The following UBAP1 variants were observed in gnomAD, a reference collection of about 807,000 sequenced individuals.
The protein encoded by UBAP1 is ubiquitin-associated protein 1.
Under a neutral mutation model 39.0 loss-of-function variants are expected in UBAP1, and 5 were observed. The observed-to-expected ratio is 0.13, with a 90% CI of 0.07 to 0.27. The LOEUF (loss-of-function observed/expected upper bound fraction) is 0.27, where lower values mean the gene tolerates loss of function less well. Among genes scored for constraint, UBAP1 ranks in the 10% least tolerant of loss-of-function variants. UBAP1 has a pLI of 1.00. For missense variants in UBAP1, 490 were observed against 608.1 expected (o/e 0.81, Z 2.04); for synonymous variants, 211 against 225.1 (o/e 0.94, Z 0.56).
chr9:34,221,643 T>G (rs888453710), intron 2 of UBAP1, among the ~76,000 whole-genome samples: 1 of 152,022 alleles, frequency 6.6e-6, no homozygotes, highest in African/African-American at 2.4e-5. Flanking sequence ...CTTTATAATG[T>G]TTTAGTTTAG....
chr9:34,195,935 T>G (rs1195951786), intron 1 of UBAP1, among the ~76,000 whole-genome samples: 3 of 53,798 alleles, frequency 5.6e-5, no homozygotes, highest in African/African-American at 1.6e-4. Context: ...TGGTTTTTTT[T>G]TTTTTTTTTT....
chr9:34,205,415 T>C (rs546191039), intron 1 of UBAP1, among the ~76,000 whole-genome samples: 31 of 152,336 alleles, frequency 2.0e-4, no homozygotes, highest in African/African-American at 7.0e-4. Context: ...ATTTCAGACT[T>C]TTTATTGGTA....
intron 1 of UBAP1, among the ~76,000 whole-genome samples, chr9:34,183,338 T>A (rs1297238558): frequency 6.6e-6 from 1 of 151,032 alleles, no homozygotes; most frequent in Non-Finnish European, 1.5e-5. Context: ...GGTCAGGAGA[T>A]TGAGACCATC....
At chr9:34,205,821 G>T (rs1463564437) in intron 1 of UBAP1, among the ~76,000 whole-genome samples, 1 of 152,000 alleles carries the variant, frequency 6.6e-6, no homozygotes, top group Non-Finnish European at 1.5e-5. Context: ...GTGAAACCCC[G>T]TCTCTACTAA....
intron 1 of UBAP1, among the ~76,000 whole-genome samples, chr9:34,199,884 G>A (rs1014625047): frequency 7.4e-5 from 11 of 148,412 alleles, no homozygotes; most frequent in African/African-American, 2.7e-4. Context: ...TAAGAGATCC[G>A]ATCCTTCTGC....
intron 4 of UBAP1, among the ~76,000 whole-genome samples, chr9:34,248,042 AT>A (rs563972736): frequency 3.9e-4 from 57 of 144,712 alleles, no homozygotes; most frequent in South Asian, 3.3e-3. Context: ...AATAGATACG[AT>A]TTTTTTTTTT....
At chr9:34,230,013 C>T (rs1174825594) in intron 2 of UBAP1, among the ~76,000 whole-genome samples, 1 of 152,050 alleles carries the variant, frequency 6.6e-6, no homozygotes, top group Non-Finnish European at 1.5e-5. Flanking sequence ...TTTTCTCCAA[C>T]TCCTTGTTAC....
At chr9:34,214,173 T>C (rs534242244) in intron 1 of UBAP1, among the ~76,000 whole-genome samples, 1 of 152,242 alleles carries the variant, frequency 6.6e-6, no homozygotes, top group South Asian at 2.1e-4. Flanking sequence ...ACAACATTTC[T>C]AAAATTCATA....
chr9:34,193,636 C>T (rs917502769), intron 1 of UBAP1, among the ~76,000 whole-genome samples: 7 of 152,162 alleles, frequency 4.6e-5, no homozygotes, highest in Non-Finnish European at 7.3e-5. Flanking sequence ...TCTCACAGAA[C>T]TCAGGGAAAC....
At chr9:34,231,380 A>C in intron 2 of UBAP1, among the ~76,000 whole-genome samples, 1 of 150,884 alleles carries the variant, frequency 6.6e-6, no homozygotes, top group Admixed American at 6.6e-5. Context: ...ATGTCTGGCT[A>C]ATTTCTTGTA....
At chr9:34,183,975 G>C (rs1490271150) in intron 1 of UBAP1, among the ~76,000 whole-genome samples, 2 of 151,878 alleles carry the variant, frequency 1.3e-5, no homozygotes, top group African/African-American at 4.8e-5. Flanking sequence ...TCTCCATGTT[G>C]GTCAGGCTGG....
rs189986411 is a variant in UBAP1 at position 34,241,147 on chromosome 9, C to T, written c.160-38C>T. ...TGGGTGGTGGGGTAAAGATGGCCACCTGGGTTCACACCCCCTTCCTCTGCT... is the reference window on the plus strand; with the variant it reads ...TGGGTGGTGGGGTAAAGATGGCCACTTGGGTTCACACCCCCTTCCTCTGCT... On this transcript the variant is annotated intron_variant, in intron 3 of 6. Coordinates refer to ENST00000297661, the MANE Select transcript of UBAP1 (RefSeq NM_016525.5). The T allele has an allele frequency of 9.1e-5, 126 of 1,384,122 alleles. No individual in the cohort carries two copies. The African/African-American group carries it at 1.7e-3, about 18-fold the overall frequency. 85.7% of individuals were successfully genotyped at this position (1,384,122 alleles called of 1,614,324 possible).
At chr9:34,182,685 C>CTT (rs1563881391) in intron 1 of UBAP1, among the ~76,000 whole-genome samples, 1 of 84,970 alleles carries the variant, frequency 1.2e-5, no homozygotes, top group African/African-American at 4.2e-5. Flanking sequence ...CTTTCTTTCT[C>CTT]TCTCTCTTTC....
At chr9:34,218,182 G>A (rs1325855792) in intron 1 of UBAP1, among the ~76,000 whole-genome samples, 3 of 145,134 alleles carry the variant, frequency 2.1e-5, no homozygotes, top group Non-Finnish European at 4.5e-5. Context: ...AACCCGGGAG[G>A]CGGTGGTTGC....
rs1299593294 is a variant in UBAP1 at position 34,250,748 on chromosome 9, TC to T, written c.1358del (p.Ser453Ter). ...VEEALEMHQCSEEKMMEFLQL... is the reference protein window; with the variant it reads ...VEEALEMHQCXEEKMMEFLQL... ...AGAGGCTCTGGAAATGCACCAGTGTTCAGAAGAAAAGGTGGGAATCTTCATG... is the reference window on the plus strand; with the variant it reads ...AGAGGCTCTGGAAATGCACCAGTGTTAGAAGAAAAGGTGGGAATCTTCATG... On this transcript the variant is annotated frameshift_variant, in exon 6 of 7. Transcript: ENST00000297661. LOFTEE classifies it high-confidence loss of function. 1.2e-6 allele frequency: 2 copies of T among 1,613,102 alleles called. No homozygotes were observed. The highest frequency in any genetic ancestry group is 1.7e-6 in the Non-Finnish European group (2 of 1,179,340).
chr9:34,243,622 TG>T (rs1250635256), intron 4 of UBAP1, among the ~76,000 whole-genome samples: 1 of 151,972 alleles, frequency 6.6e-6, no homozygotes, highest in Non-Finnish European at 1.5e-5. Flanking sequence ...GCCAAGTAGC[TG>T]GGATTACAGG....
intron 1 of UBAP1, among the ~76,000 whole-genome samples, chr9:34,182,673 TTCTTTCTTTC>T (rs1830142784): frequency 3.0e-5 from 2 of 67,062 alleles, no homozygotes; most frequent in African/African-American, 1.0e-4. Context: ...CTTTCTTTCT[TTCTTTCTTTC>T]TCTCTCTCTT....
intron 5 of UBAP1, among the ~76,000 whole-genome samples, chr9:34,250,279 T>C (rs1712339218): frequency 6.6e-6 from 1 of 152,238 alleles, no homozygotes; most frequent in South Asian, 2.1e-4. Context: ...GGAATTTTCA[T>C]CCTGTCATCT....
chr9:34,229,534 G>T lies in UBAP1; in HGVS notation c.35-4682G>T, dbSNP rs562038827. Reference sequence around the variant, plus strand: ...GCCTCCCAAAGTGCTGGGATTACAGGCATGAGCCACTGTACTCGGCCTGAC... The same window carrying T: ...GCCTCCCAAAGTGCTGGGATTACAGTCATGAGCCACTGTACTCGGCCTGAC... On this transcript the variant is annotated intron_variant, in intron 2 of 6. Coordinates refer to ENST00000297661, the MANE Select transcript of UBAP1 (RefSeq NM_016525.5). 2.0e-5 allele frequency among the ~76,000 whole-genome samples: 3 copies of T among 151,020 alleles called. No individual in the cohort carries two copies. The South Asian group carries it at 6.3e-4, about 32-fold the overall frequency.
Sources: allele counts gnomAD v4.1 joint callset (sites outside exome capture counted in the v4.1 genomes callset), GRCh38; gene constraint gnomAD v4.1.1; transcripts MANE v1.5; gene names NCBI Gene and HGNC (gene_info 2026-07-23, HGNC 2026-07-21).